MED24: variants seen among roughly 807,000 people sequenced by gnomAD.
The protein encoded by MED24 is mediator of RNA polymerase II transcription subunit 24.
MED24 carries 74 observed loss-of-function variants against 118.8 expected under a neutral mutation model. The ratio of observed to expected loss-of-function variants is 0.62; its 90% CI spans 0.52 to 0.76. The LOEUF is 0.76. Among genes scored for constraint, MED24 ranks in the 30% least tolerant of loss-of-function variants. MED24 has a pLI of 0.00. For synonymous variants in MED24, 521 were observed against 523.9 expected (o/e 0.99, Z 0.08); for missense variants, 1,041 against 1,278.9 (o/e 0.81, Z 2.84).
intron 17 of MED24, 48 bp from the exon 18 acceptor site, chr17:40,026,794 A>G: frequency 6.2e-7 from 1 of 1,611,400 alleles, no homozygotes; most frequent in Non-Finnish European, 8.5e-7. Context: ...GAACGGGCTC[A>G]GGGAGCGGGT....
Position 40,026,166 on chromosome 17 carries a change from A to T in MED24, c.1975T>A (p.Tyr659Asn), listed in dbSNP as rs1982624426. Residue 659 changes from tyrosine to asparagine, a missense_variant, in exon 19 of 26, where the codon TAC becomes AAC. By Grantham distance (143) the Tyr-to-Asn change is moderately radical. Around this residue, in one of 3 missense-constraint regions of MED24, gnomAD observed 587 missense variants for 694.4 expected, o/e 0.85. Transcript: ENST00000394128. Reference sequence around the variant, plus strand: ...AGGCAGGTTACCGACCTCTCATTGTAGAACTGCAGGGTGTTCTCACTAAAC... The same window carrying T: ...AGGCAGGTTACCGACCTCTCATTGTTGAACTGCAGGGTGTTCTCACTAAAC... Reference protein sequence around the residue: ...PLFSENTLQFYNERVVIMNSI... With the variant: ...PLFSENTLQFNNERVVIMNSI... The T allele has an allele frequency of 2.5e-6, 4 of 1,613,422 alleles. No individual in the cohort carries two copies. The highest frequency in any genetic ancestry group is 3.4e-6 in the Non-Finnish European group (4 of 1,179,388).
intron 3 of MED24, among the ~76,000 whole-genome samples, chr17:40,038,222 C>T (rs1984169447): frequency 6.6e-6 from 1 of 152,030 alleles, no homozygotes; most frequent in Admixed American, 6.6e-5. Flanking sequence ...AGCATCCAGC[C>T]CAAGAACTGA....
intron 23 of MED24, 119 bp from the exon 24 acceptor site, chr17:40,020,472 C>T (rs538776960): frequency 1.4e-5 from 22 of 1,542,216 alleles, no homozygotes; most frequent in Non-Finnish European, 1.9e-5. Flanking sequence ...ATGGAGAGCC[C>T]AGAGAAGACC....
At chr17:40,053,691 C>A (rs1252218702) in intron 1 of MED24, 56 bp from the exon 2 acceptor site, 2 of 1,600,434 alleles carry the variant, frequency 1.2e-6, no homozygotes, top group South Asian at 1.1e-5. Flanking sequence ...TAAGGAGAAC[C>A]GGGGAAGGCA....
chr17:40,020,288 G>A lies in MED24; in HGVS notation c.2689C>T (p.Leu897=), dbSNP rs1418751133. The A allele has an allele frequency of 6.4e-7, 1 of 1,562,826 alleles. No homozygotes were observed. The highest frequency in any genetic ancestry group is 1.2e-5 in the South Asian group (1 of 81,066). Residue 897 remains leucine (L), a synonymous_variant, in exon 24 of 26, where the codon CTG becomes TTG. Coordinates refer to ENST00000394128, the MANE Select transcript of MED24 (RefSeq NM_014815.4). The part of the protein sequence containing the change: ...QLHTVNMRDP[L]NRVLANLFLL... ...GGGAACTCACCCAGGACTCGGTTCAGAGGGTCCCGCATGTTGACCGTGTGG... is the reference window on the plus strand; with the variant it reads ...GGGAACTCACCCAGGACTCGGTTCAAAGGGTCCCGCATGTTGACCGTGTGG...
intron 16 of MED24, 91 bp from the exon 17 acceptor site, chr17:40,027,125 T>G: frequency 1.3e-6 from 2 of 1,481,522 alleles, no homozygotes; most frequent in Non-Finnish European, 1.8e-6. Context: ...CCCGCCAGGC[T>G]GCTGCTCCAG....
chr17:40,022,921 C>T (rs943100344), intron 20 of MED24, 95 bp from the exon 21 acceptor site: 6 of 1,457,756 alleles, frequency 4.1e-6, no homozygotes, highest in South Asian at 2.6e-5. Context: ...CAGTAAGGCC[C>T]GCAGAGGGGG....
chr17:40,022,573 C>T (rs1982161995), intron 21 of MED24, 72 bp downstream of exon 21: 5 of 1,602,634 alleles, frequency 3.1e-6, no homozygotes, highest in Admixed American at 1.7e-5. Context: ...CCCAGTCTCC[C>T]AGGGTGGCAC....
chr17:40,031,149 TCA>T lies in MED24; in HGVS notation c.1154+8_1154+9del. 6.4e-7 allele frequency: 1 copy of T among 1,558,164 alleles called. No homozygotes were observed. The highest frequency in any genetic ancestry group is 8.7e-7 in the Non-Finnish European group (1 of 1,149,866). ...GGCTCTTGGGGTAGCACAGGTGCGT[TCA>T]CACTTACCGCTTAGCCATAAGGTTG... On this transcript the variant is annotated splice_region_variant and intron_variant, in intron 12 of 25. Coordinates refer to ENST00000394128, the MANE Select transcript of MED24 (RefSeq NM_014815.4).
intron 4 of MED24, 67 bp downstream of exon 4, chr17:40,036,049 G>T: frequency 6.6e-7 from 1 of 1,514,548 alleles, no homozygotes; most frequent in African/African-American, 1.4e-5. Context: ...CACAGCATCA[G>T]GGCCGTCAAG....
Position 40,026,861 on chromosome 17 carries a change from C to G in MED24, c.1704G>C (p.Lys568Asn). The G allele has an allele frequency of 3.1e-6, 5 of 1,612,860 alleles. No individual in the cohort carries two copies. Among genetic ancestry groups the G allele is most frequent in the Non-Finnish European group, 3.4e-6 (4 of 1,179,100 alleles). ...VALLNNSSEM[K>N]LVQMKWHEAC... ...TGGGCGCCCGGGCCACTGACACTAG[C>G]TTCATCTCCGAGGAGTTGTTGAGCA... is the stretch of plus-strand genomic sequence containing the variant. Residue 568 changes from lysine to asparagine, a missense_variant, in exon 17 of 26, where the codon AAG (lysine) becomes AAC (asparagine). Lys to Asn is a moderately conservative substitution (Grantham distance 94). This residue lies in a region of MED24 where 587 missense variants were observed against 694.4 expected (regional missense o/e 0.85). Transcript: ENST00000394128.
chr17:40,024,245 A>G (rs1452422862), intron 19 of MED24, among the ~76,000 whole-genome samples: 2 of 152,140 alleles, frequency 1.3e-5, no homozygotes, highest in Admixed American at 6.5e-5. Context: ...CTATTAAGAC[A>G]TCCTCAGGCC....
At chr17:40,045,381 G>A (rs941844375) in intron 3 of MED24, among the ~76,000 whole-genome samples, 2 of 151,882 alleles carry the variant, frequency 1.3e-5, no homozygotes, top group African/African-American at 4.8e-5. Flanking sequence ...CCCAGCGGCG[G>A]GGACAGGAGG....
intron 3 of MED24, among the ~76,000 whole-genome samples, chr17:40,041,041 C>T (rs1984509914): frequency 6.6e-6 from 1 of 152,182 alleles, no homozygotes; most frequent in Non-Finnish European, 1.5e-5. Context: ...AGCCACCACG[C>T]CCGGACAACA....
chr17:40,034,852 C>CGGGGGGGGGGGGGGGGGGGGGGGGGGG, intron 6 of MED24: 1 of 386,866 alleles, frequency 2.6e-6, no homozygotes, highest in Non-Finnish European at 4.7e-6. Context: ...CCTTTGGTAG[C>CGGGGGGGGGGGGGGGGGGGGGGGGGGG]CCCCCACCCC....
At position 40,026,139 on chromosome 17, in the gene MED24, G is replaced by A. The variant is rs1222148821; in HGVS notation, c.1985+17C>T. The A allele has an allele frequency of 6.2e-7, 1 of 1,606,560 alleles. No individual in the cohort carries two copies. The highest frequency in any genetic ancestry group is 8.5e-7 in the Non-Finnish European group (1 of 1,174,530). On this transcript the variant is annotated intron_variant, in intron 19 of 25. Coordinates refer to ENST00000394128, the MANE Select transcript of MED24 (RefSeq NM_014815.4). ...AACACACTTGAAGGGTCTGAGAAGG[G>A]AAGGCAGGTTACCGACCTCTCATTG...
At chr17:40,028,728 T>G in intron 14 of MED24, 98 bp downstream of exon 14, 139 of 1,511,154 alleles carry the variant, frequency 9.2e-5, no homozygotes, top group Non-Finnish European at 1.1e-4. Context: ...GGTCTCTGGA[T>G]GAGACCCAGA....
At chr17:40,027,190 C>CTG in intron 16 of MED24, 156 bp from the exon 17 acceptor site, 3 of 1,110,864 alleles carry the variant, frequency 2.7e-6, no homozygotes, top group Middle Eastern at 2.8e-4. Context: ...GGGGGCAATG[C>CTG]TGCCACCTAG....
In MED24 at chr17:40,019,270, C is replaced by T. The variant is rs1981649537; in HGVS notation, c.*259G>A. 2 of 513,492 alleles carry T rather than the reference C, an allele frequency of 3.9e-6. No individual in the cohort carries two copies. Among genetic ancestry groups the T allele is most frequent in the Non-Finnish European group, 6.9e-6 (2 of 288,824 alleles). The allele number at this position is 513,492 out of a possible 1,614,324, so 31.8% of individuals were successfully genotyped here. On this transcript the variant is annotated 3_prime_UTR_variant, in exon 26 of 26. Coordinates refer to ENST00000394128, the MANE Select transcript of MED24 (RefSeq NM_014815.4). ...ACTCCTGGGCTGGGGCGGGCGCACACAGGGGTGACCACTGGGCTTGTGGTC... is the reference window on the plus strand; with the variant it reads ...ACTCCTGGGCTGGGGCGGGCGCACATAGGGGTGACCACTGGGCTTGTGGTC...
Sources: gnomAD v4.1 joint callset for allele counts (sites outside exome capture counted in the v4.1 genomes callset) on GRCh38, gnomAD v4.1.1 for gene constraint, gnomAD v4.1.1 regional missense constraint, MANE v1.5 for transcripts, NCBI Gene and HGNC (gene_info 2026-07-23, HGNC 2026-07-21) for gene names.